Variants in HPSE2 observed in about 807,000 individuals in gnomAD.
HPSE2 encodes heparanase 2 (inactive).
In HPSE2, 38 loss-of-function variants were observed where a neutral mutation model predicts 60.5. That is an observed-to-expected ratio of 0.63 (90% CI 0.48 to 0.82). The LOEUF (loss-of-function observed/expected upper bound fraction) is 0.82. Among genes scored for constraint, HPSE2 ranks in the 40% least tolerant of loss-of-function variants. The probability of loss-of-function intolerance (pLI) is 0.00; values close to 1 mark genes in which losing one functional copy is unlikely to be tolerated. For missense variants in HPSE2, 713 were observed against 740.4 expected (o/e 0.96, Z 0.43); for synonymous variants, 295 against 293.2 (o/e 1.01, Z -0.06).
At chr10:98,872,756 T>C (rs1952767858) in intron 3 of HPSE2, among the ~76,000 whole-genome samples, 1 of 152,084 alleles carries the variant, frequency 6.6e-6, no homozygotes, top group Non-Finnish European at 1.5e-5. Flanking sequence ...CTAAGAAAAC[T>C]ACAGCAAGTT....
chr10:99,310,888 CAA>C, the HPSE2 span, among the ~76,000 whole-genome samples: 1 of 152,178 alleles, frequency 6.6e-6, no homozygotes, highest in Non-Finnish European at 1.5e-5. Context: ...CTCGGCCTCC[CAA>C]AGTGCTGGGA....
At chr10:98,528,549 G>C (rs184592391) in intron 9 of HPSE2, among the ~76,000 whole-genome samples, 40 of 152,234 alleles carry the variant, frequency 2.6e-4, no homozygotes, top group African/African-American at 9.4e-4. Context: ...AGTGAAGCAC[G>C]GTGTGTGCAG....
intron 4 of HPSE2, among the ~76,000 whole-genome samples, chr10:98,725,789 G>T (rs192679077): frequency 4.0e-5 from 6 of 151,750 alleles, no homozygotes; most frequent in Non-Finnish European, 8.8e-5. Flanking sequence ...AAACAAATTT[G>T]CAAGAAAAAA....
intron 3 of HPSE2, among the ~76,000 whole-genome samples, chr10:99,016,255 A>C (rs1454867563): frequency 6.6e-6 from 1 of 152,226 alleles, no homozygotes; most frequent in East Asian, 1.9e-4. Flanking sequence ...GCATATTGCT[A>C]GTCATTTATC....
chr10:98,733,707 C>T (rs999541517), intron 4 of HPSE2, among the ~76,000 whole-genome samples: 4 of 152,148 alleles, frequency 2.6e-5, no homozygotes, highest in South Asian at 4.2e-4. Context: ...AAATACTATG[C>T]AAATATAGGA....
intron 3 of HPSE2, among the ~76,000 whole-genome samples, chr10:98,861,382 T>C (rs1952455131): frequency 6.6e-6 from 1 of 152,120 alleles, no homozygotes; most frequent in Non-Finnish European, 1.5e-5. Context: ...AATTATAATA[T>C]AAAATCAATG....
At chr10:98,527,273 A>G (rs777236992) in intron 9 of HPSE2, among the ~76,000 whole-genome samples, 2 of 152,076 alleles carry the variant, frequency 1.3e-5, no homozygotes, top group Admixed American at 1.3e-4. Context: ...CTTAAATCCA[A>G]TTATATCAGT....
At chr10:99,169,504 C>CAAAAA (rs562946052) in intron 2 of HPSE2, among the ~76,000 whole-genome samples, 9 of 54,734 alleles carry the variant, frequency 1.6e-4, no homozygotes, top group Non-Finnish European at 1.7e-4. Flanking sequence ...GACTCCGTCT[C>CAAAAA]AAAAAAAAAA....
intron 3 of HPSE2, among the ~76,000 whole-genome samples, chr10:98,782,938 A>AT (rs1491306164): frequency 6.6e-5 from 3 of 45,398 alleles, no homozygotes; most frequent in Non-Finnish European, 1.3e-4. Flanking sequence ...TTTTTTTTTT[A>AT]ATGTTTTTTT....
chr10:99,094,557 T>A lies in HPSE2; in HGVS notation c.610+49681A>T, dbSNP rs1477398915. Among the ~76,000 whole-genome samples, 748 of 101,018 alleles carry A rather than the reference T, an allele frequency of 7.4e-3. 1 individual carries two copies. Among genetic ancestry groups the A allele is most frequent in the South Asian group, 0.024 (60 of 2,482 alleles). The allele number at this position is 101,018 out of a possible 152,430, so 66.3% of individuals were successfully genotyped here. Reference sequence around the variant, plus strand: ...ATATATATATTTTTTTTTTTTTTTTTTTTTTTTTTTTTTTTCTGAGACAGA... The same window carrying A: ...ATATATATATTTTTTTTTTTTTTTTATTTTTTTTTTTTTTTCTGAGACAGA... On this transcript the variant is annotated intron_variant, in intron 3 of 11. Transcript: ENST00000370552.
intron 3 of HPSE2, among the ~76,000 whole-genome samples, chr10:99,114,199 C>T (rs1177871056): frequency 6.6e-6 from 1 of 152,204 alleles, no homozygotes. Context: ...TTCTGAAGTG[C>T]CTCTACACCC....
intron 9 of HPSE2, among the ~76,000 whole-genome samples, chr10:98,588,847 C>G (rs1436720236): frequency 6.6e-6 from 1 of 151,904 alleles, no homozygotes; most frequent in Non-Finnish European, 1.5e-5. Context: ...GTTAGCAGCT[C>G]TTAGTACCTA....
Position 98,709,297 on chromosome 10 carries a change from C to A in HPSE2, c.956+12360G>T, listed in dbSNP as rs536258264. ...GGGAGAGTGAAATTCTGTTTAGGGT[C>A]TGGTATTATCCAAGGACTTTCTACC... On this transcript the variant is annotated intron_variant, in intron 5 of 11. Transcript: ENST00000370552. Among the ~76,000 whole-genome samples the A allele has an allele frequency of 3.5e-3, 530 of 152,258 alleles. 2 individuals carry two copies. The highest frequency in any genetic ancestry group is 6.6e-3 in the Non-Finnish European group (447 of 68,018).
intron 9 of HPSE2, among the ~76,000 whole-genome samples, chr10:98,604,889 G>T (rs957175502): frequency 6.6e-6 from 1 of 152,186 alleles, no homozygotes; most frequent in Admixed American, 6.5e-5. Context: ...CCTACAATGA[G>T]TGAGTTGGTG....
intron 3 of HPSE2, among the ~76,000 whole-genome samples, chr10:98,923,370 GTCT>G (rs1486836906): frequency 6.6e-6 from 1 of 152,146 alleles, no homozygotes; most frequent in African/African-American, 2.4e-5. Flanking sequence ...CCTTGGGGTA[GTCT>G]TCTTTAGGTT....
At chr10:98,700,665 G>A (rs1255046390) in intron 5 of HPSE2, among the ~76,000 whole-genome samples, 2 of 69,160 alleles carry the variant, frequency 2.9e-5, no homozygotes, top group Non-Finnish European at 4.0e-5. Flanking sequence ...AAACTAAAGA[G>A]CTTCTGCACA....
At chr10:98,671,942 A>G (rs923838965) in intron 6 of HPSE2, among the ~76,000 whole-genome samples, 3 of 152,218 alleles carry the variant, frequency 2.0e-5, no homozygotes, top group Admixed American at 2.0e-4. Flanking sequence ...GCTAACCTCA[A>G]ATTAACAAAA....
chr10:99,298,795 C>T, the HPSE2 span, among the ~76,000 whole-genome samples: 2 of 152,032 alleles, frequency 1.3e-5, no homozygotes, highest in Non-Finnish European at 2.9e-5. Flanking sequence ...CTGCCTTAGC[C>T]TCCTGAGTAG....
intron 3 of HPSE2, among the ~76,000 whole-genome samples, chr10:98,910,738 A>G (rs1171352180): frequency 6.6e-6 from 1 of 152,218 alleles, no homozygotes; most frequent in Non-Finnish European, 1.5e-5. Flanking sequence ...CATTACTCAG[A>G]ATAGAGATCT....
Sources: gnomAD v4.1 joint callset for allele counts (sites outside exome capture counted in the v4.1 genomes callset) on GRCh38, gnomAD v4.1.1 for gene constraint, MANE v1.5 for transcripts, NCBI Gene and HGNC (gene_info 2026-07-23, HGNC 2026-07-21) for gene names.